Variants in NOS1 observed in about 807,000 individuals in gnomAD.
NOS1 encodes nitric oxide synthase 1.
In NOS1, 51 loss-of-function variants were observed where a neutral mutation model predicts 164.5. The observed-to-expected ratio is 0.31, with a 90% CI of 0.25 to 0.39. NOS1 has a LOEUF of 0.39. Ranked by LOEUF, NOS1 falls within the 10% of genes least tolerant of loss-of-function variation. The probability of loss-of-function intolerance (pLI) is 1.00; values close to 1 mark genes in which losing one functional copy is unlikely to be tolerated. For synonymous variants in NOS1, 719 were observed against 745.8 expected, an observed-to-expected ratio of 0.96 and a Z score of 0.59; for missense variants, 1,362 against 1,885.6, an observed-to-expected ratio of 0.72 and a Z score of 5.14.
At chr12:117,249,169 T>C (rs938022722) in intron 17 of NOS1, among the ~76,000 whole-genome samples, 13 of 152,212 alleles carry the variant, frequency 8.5e-5, no homozygotes, top group South Asian at 2.1e-4. Context: ...TATTTTGTTA[T>C]GACAGCCTGA....
intron 2 of NOS1, among the ~76,000 whole-genome samples, chr12:117,327,311 C>T (rs1040224219): frequency 2.0e-5 from 3 of 152,140 alleles, no homozygotes; most frequent in Admixed American, 6.5e-5. Flanking sequence ...AGAGGTGGTG[C>T]TTGGGGGCAG....
intron 22 of NOS1, 64 bp downstream of exon 22, chr12:117,231,898 C>G: frequency 6.6e-7 from 1 of 1,507,372 alleles, no homozygotes; most frequent in Non-Finnish European, 9.0e-7. Flanking sequence ...TAACAGTTTT[C>G]AACTCTTTAA....
rs925145150 is a variant in NOS1, at chr12:117,213,908, G to C, written c.*1401C>G. ...AGTAAATTCAACAGGTTGCCTCTTA[G>C]GGAGGAATTACACCGGCTCCAATTC... On this transcript the variant is annotated 3_prime_UTR_variant, in exon 29 of 29. Transcript: ENST00000317775. 5 of 985,308 alleles carry C rather than the reference G, an allele frequency of 5.1e-6. No homozygotes were observed. In the African/African-American group the frequency reaches 8.7e-5, roughly 17 times the overall value. The allele number at this position is 985,308 out of a possible 1,614,324, so 61.0% of individuals were successfully genotyped here.
At position 117,222,792 on chromosome 12, in the gene NOS1, C is replaced by T; in HGVS notation, c.3898G>A (p.Glu1300Lys). 6.2e-7 allele frequency: 1 copy of T among 1,614,014 alleles called. No homozygotes were observed. The highest frequency in any genetic ancestry group is 8.5e-7 in the Non-Finnish European group (1 of 1,179,994). The change falls in exon 26 of 29, where the codon GAG becomes AAG. Residue 1300 changes from glutamate (E) to lysine (K), a missense_variant. By Grantham distance (56) the Glu-to-Lys change is moderately conservative (BLOSUM62 1). Around this residue, in one of 4 missense-constraint regions of NOS1, gnomAD observed 737 missense variants for 1,030.3 expected, o/e 0.72. Transcript: ENST00000317775. ...QSKIDHIYRE[E>K]TLQAKNKGVF... ...CCCTTGTTCTTGGCCTGCAGGGTCT[C>T]TTCCCTGTAGATATGATCTATCTTG...
chr12:117,291,362 C>T (rs1390144021), intron 3 of NOS1, among the ~76,000 whole-genome samples: 1 of 152,084 alleles, frequency 6.6e-6, no homozygotes, highest in East Asian at 1.9e-4. Flanking sequence ...CTGTCTTGAA[C>T]ACCTACATGG....
At chr12:117,308,753 T>C (rs1049293066) in intron 3 of NOS1, among the ~76,000 whole-genome samples, 1 of 151,984 alleles carries the variant, frequency 6.6e-6, no homozygotes, top group African/African-American at 2.4e-5. Context: ...CCCGCCACCA[T>C]GCCCAGCTAA....
At chr12:117,227,312 G>A (rs1868783135) in intron 23 of NOS1, 119 bp downstream of exon 23, 3 of 925,008 alleles carry the variant, frequency 3.2e-6, no homozygotes, top group Non-Finnish European at 3.3e-6. Context: ...TCTGGTCTTG[G>A]GGATGAGTTT....
rs76299387 is a variant in NOS1 at position 117,253,618 on chromosome 12, C to T, written c.2648+20G>A. 1.1e-4 allele frequency: 166 copies of T among 1,562,904 alleles called. 1 individual carries two copies. The African/African-American group carries it at 2.0e-3, about 19-fold the overall frequency. On this transcript the variant is annotated intron_variant, in intron 17 of 28. Coordinates refer to ENST00000317775, the MANE Select transcript of NOS1 (RefSeq NM_000620.5). ...GCCTTAGTCTTCCCTGACCCCCGAC[C>T]CCCTTATCCCCTTGCTCACCTCACA...
chr12:117,224,132 T>C (rs963282533), intron 25 of NOS1, among the ~76,000 whole-genome samples: 6 of 152,216 alleles, frequency 3.9e-5, no homozygotes, highest in African/African-American at 1.2e-4. Flanking sequence ...TACTGACTGA[T>C]TGATTTGTTT....
At chr12:117,343,363 A>T (rs1876205990) in intron 1 of NOS1, among the ~76,000 whole-genome samples, 1 of 152,194 alleles carries the variant, frequency 6.6e-6, no homozygotes, top group Non-Finnish European at 1.5e-5. Context: ...CATGAATAGT[A>T]ATAATTTAGT....
At chr12:117,232,278 T>A (rs1056178893) in intron 21 of NOS1, 147 bp from the exon 22 acceptor site, 11 of 643,870 alleles carry the variant, frequency 1.7e-5, no homozygotes, top group Non-Finnish European at 2.6e-5. Flanking sequence ...CCACCTTCCA[T>A]GCCCAGAATC....
chr12:117,230,931 T>A (rs1230378512), intron 22 of NOS1, among the ~76,000 whole-genome samples: 3 of 151,936 alleles, frequency 2.0e-5, no homozygotes, highest in Admixed American at 6.6e-5. Flanking sequence ...GTCATGAAGA[T>A]GGAGAGTAGA....
chr12:117,220,194 T>G lies in NOS1; in HGVS notation c.4051A>C (p.Ile1351Leu). Residue 1351 changes from isoleucine (I) to leucine (L), a missense_variant, in exon 27 of 29, where the codon ATA becomes CTA. Around this residue, in one of 4 missense-constraint regions of NOS1, gnomAD observed 737 missense variants for 1,030.3 expected, o/e 0.72. Transcript: ENST00000317775. ...ATGGTGACGTCCCCACAGACGTATA[T>G]GTGGCCCCCTTGCTCCTTCAGGGCT... The part of the protein sequence containing the change: ...YRALKEQGGH[I>L]YVCGDVTMAA... 2 of 1,613,946 alleles carry G rather than the reference T, an allele frequency of 1.2e-6. No homozygotes were observed. Among genetic ancestry groups the G allele is most frequent in the Non-Finnish European group, 1.7e-6 (2 of 1,179,990 alleles).
Position 117,260,527 on chromosome 12 carries a change from C to G in NOS1, c.2305G>C (p.Gly769Arg). The change falls in exon 14 of 29, where the codon GGC (glycine) becomes CGC (arginine). Residue 769 changes from glycine (G) to arginine (R), a missense_variant. Transcript: ENST00000317775. ...GTCTTGGCATAAGCTTGCGATTTGC[C>G]TGTCTCTGTGGCATAGAGGATGGTC... is the stretch of plus-strand genomic sequence containing the variant. ...KATILYATETGKSQAYAKTLC... is the reference protein window; with the variant it reads ...KATILYATETRKSQAYAKTLC... 1 of 1,614,178 alleles carries G rather than the reference C, an allele frequency of 6.2e-7. No homozygotes were observed. The highest frequency in any genetic ancestry group is 8.5e-7 in the Non-Finnish European group (1 of 1,180,034).
At position 117,212,663 on chromosome 12, in the gene NOS1, G is replaced by A. The variant is rs1396248754; in HGVS notation, c.*2646C>T. The A allele has an allele frequency of 9.1e-6, 9 of 985,386 alleles. No homozygotes were observed. Among genetic ancestry groups the A allele is most frequent in the Non-Finnish European group, 1.1e-5 (9 of 829,900 alleles). The allele number at this position is 985,386 out of a possible 1,614,324, so 61.0% of individuals were successfully genotyped here. ...GAGGGAAATAAATGGGCCATAACCC[G>A]AATAACCCCCAAATATCTTGTCAAC... On this transcript the variant is annotated 3_prime_UTR_variant, in exon 29 of 29. Transcript: ENST00000317775.
chr12:117,279,518 CAT>C (rs1168787452), intron 8 of NOS1, among the ~76,000 whole-genome samples: 1 of 152,184 alleles, frequency 6.6e-6, no homozygotes, highest in Non-Finnish European at 1.5e-5. Context: ...TCAATAGCCA[CAT>C]GTGTCCCTAT....
At position 117,210,860 on chromosome 12, in the gene NOS1, G is replaced by C. The variant is rs1432294647; in HGVS notation, c.*4449C>G. ...TCACCCTGTTGACTCCAGAGAAGCT[G>C]ACTATCACATCAGCTCTGAAAACTC... is the stretch of plus-strand genomic sequence containing the variant. On this transcript the variant is annotated 3_prime_UTR_variant, in exon 29 of 29. Coordinates refer to ENST00000317775, the MANE Select transcript of NOS1 (RefSeq NM_000620.5). The C allele has an allele frequency of 1.0e-6, 1 of 985,322 alleles. No individual in the cohort carries two copies. Among genetic ancestry groups the C allele is most frequent in the East Asian group, 1.1e-4 (1 of 8,830 alleles). The allele number at this position is 985,322 out of a possible 1,614,324, so 61.0% of individuals were successfully genotyped here. A position where few individuals can be genotyped will look rare whatever the true frequency, so the allele number is the denominator to read the frequency against.
intron 16 of NOS1, among the ~76,000 whole-genome samples, chr12:117,255,042 T>C (rs1871338384): frequency 6.6e-6 from 1 of 152,152 alleles, no homozygotes; most frequent in Non-Finnish European, 1.5e-5. Flanking sequence ...GCATGGCACA[T>C]GTATACATAT....
At chr12:117,291,825 C>T (rs1178496246) in intron 3 of NOS1, among the ~76,000 whole-genome samples, 4 of 152,056 alleles carry the variant, frequency 2.6e-5, no homozygotes, top group Non-Finnish European at 4.4e-5. Flanking sequence ...TGTGAGTCAT[C>T]GTGCCTGGCC....
Sources: gnomAD v4.1 joint callset for allele counts (sites outside exome capture counted in the v4.1 genomes callset) on GRCh38, gnomAD v4.1.1 for gene constraint, gnomAD v4.1.1 regional missense constraint, MANE v1.5 for transcripts, NCBI Gene and HGNC (gene_info 2026-07-23, HGNC 2026-07-21) for gene names.